Variants in ADAMTS12 observed in about 807,000 individuals in gnomAD.
ADAMTS12 encodes the protein A disintegrin and metalloproteinase with thrombospondin motifs 12.
A neutral mutation model predicts 167.8 loss-of-function variants in ADAMTS12; 118 were observed. The observed-to-expected ratio is 0.70, with a 90% confidence interval of 0.61 to 0.82. ADAMTS12 has a LOEUF of 0.82. Ranked by LOEUF, ADAMTS12 falls within the 40% of genes least tolerant of loss-of-function variation. The pLI is 0.00. For missense variants in ADAMTS12, 1,916 were observed against 1,998.8 expected (o/e 0.96, Z 0.79); for synonymous variants, 704 against 716.9 (o/e 0.98, Z 0.29).
At chr5:33,569,658 G>A (rs566036488) in intron 19 of ADAMTS12, among the ~76,000 whole-genome samples, 2 of 152,296 alleles carry the variant, frequency 1.3e-5, no homozygotes, top group East Asian at 3.9e-4. Flanking sequence ...AAACAGAGCA[G>A]AAAAACTGGA....
chr5:33,547,060 C>T (rs1745019310), intron 21 of ADAMTS12, among the ~76,000 whole-genome samples: 1 of 152,160 alleles, frequency 6.6e-6, no homozygotes, highest in Non-Finnish European at 1.5e-5. Flanking sequence ...TCACAATATT[C>T]CAGCTTTGAG....
chr5:33,890,001 C>T (rs974784604), intron 1 of ADAMTS12, among the ~76,000 whole-genome samples: 2 of 152,152 alleles, frequency 1.3e-5, no homozygotes, highest in African/African-American at 4.8e-5. Flanking sequence ...ATATATATAT[C>T]ACCAATAAGC....
chr5:33,590,415 C>T (rs1404170410), intron 17 of ADAMTS12, among the ~76,000 whole-genome samples: 4 of 152,110 alleles, frequency 2.6e-5, no homozygotes, highest in African/African-American at 4.8e-5. Context: ...GTGTTTAGAT[C>T]GTGAGGGCTT....
chr5:33,591,655 A>G lies in ADAMTS12; in HGVS notation c.2655-2846T>C, dbSNP rs1030513220. ...AGCTTTCTTGTCCCCTACACACACCATGCTCAGTCCTTTTCCCTCTTTCAT... is the reference window on the plus strand; with the variant it reads ...AGCTTTCTTGTCCCCTACACACACCGTGCTCAGTCCTTTTCCCTCTTTCAT... On this transcript the variant is annotated intron_variant, in intron 17 of 23. Transcript: ENST00000504830. 3.9e-5 allele frequency among the ~76,000 whole-genome samples: 6 copies of G among 151,984 alleles called. No homozygotes were observed. The East Asian group carries it at 1.2e-3, about 29-fold the overall frequency.
chr5:33,715,056 TG>T (rs1370693669), intron 3 of ADAMTS12, among the ~76,000 whole-genome samples: 1 of 152,096 alleles, frequency 6.6e-6, no homozygotes, highest in African/African-American at 2.4e-5. Context: ...AAATATCACA[TG>T]TACCTCATAA....
chr5:33,683,980 A>T lies in ADAMTS12; in HGVS notation c.710T>A (p.Leu237His), dbSNP rs1366092778. ...WERHNLPSRS[L>H]SRRSISKERW... ...CTCCTTGCTGATGGAACGCCGAGAG[A>T]GGCTTCTGCTTGGCAAGTTGTGCCT... Residue 237 changes from leucine to histidine, a missense_variant, in exon 4 of 24, where the codon CTC (leucine) becomes CAC (histidine). Leu to His is a moderately conservative substitution (Grantham distance 99). Transcript: ENST00000504830. 6.2e-7 allele frequency: 1 copy of T among 1,612,046 alleles called. No individual in the cohort carries two copies. The highest frequency in any genetic ancestry group is 1.3e-5 in the African/African-American group (1 of 74,776).
chr5:33,595,416 A>G (rs907901512), intron 17 of ADAMTS12, among the ~76,000 whole-genome samples: 1 of 152,190 alleles, frequency 6.6e-6, no homozygotes. Flanking sequence ...CAGGCCAGCA[A>G]TGCTGCTAAG....
At chr5:33,880,356 T>G (rs142599884) in intron 2 of ADAMTS12, among the ~76,000 whole-genome samples, 2 of 152,206 alleles carry the variant, frequency 1.3e-5, no homozygotes, top group African/African-American at 4.8e-5. Context: ...CTCTTCACAA[T>G]TAAGTGTCAG....
chr5:33,751,295 G>A (rs200237800), intron 3 of ADAMTS12, 109 bp downstream of exon 3: 15 of 1,318,130 alleles, frequency 1.1e-5, no homozygotes, highest in African/African-American at 4.8e-5. Flanking sequence ...AAAAAAAAAA[G>A]AATACAGAGG....
intron 1 of ADAMTS12, among the ~76,000 whole-genome samples, chr5:33,881,808 A>G (rs1168367049): frequency 6.7e-6 from 1 of 149,224 alleles, no homozygotes; most frequent in Non-Finnish European, 1.5e-5. Flanking sequence ...TCCCGACCTC[A>G]GGTGATCCGC....
chr5:33,867,407 T>C (rs1056769604), intron 2 of ADAMTS12, among the ~76,000 whole-genome samples: 9 of 152,048 alleles, frequency 5.9e-5, no homozygotes, highest in African/African-American at 1.9e-4. Context: ...GAAGCTAAGC[T>C]ATGGATAATC....
chr5:33,701,262 C>G (rs1742992972), intron 3 of ADAMTS12, among the ~76,000 whole-genome samples: 1 of 152,216 alleles, frequency 6.6e-6, no homozygotes, highest in African/African-American at 2.4e-5. Flanking sequence ...CATCTGAGCA[C>G]CCTTAGAACT....
At chr5:33,795,684 G>A (rs1746745452) in intron 2 of ADAMTS12, among the ~76,000 whole-genome samples, 1 of 152,152 alleles carries the variant, frequency 6.6e-6, no homozygotes. Context: ...GGATGTGGGA[G>A]CCATTCTTCG....
chr5:33,651,982 A>G (rs1210164388), intron 7 of ADAMTS12, among the ~76,000 whole-genome samples: 1 of 151,922 alleles, frequency 6.6e-6, no homozygotes, highest in Non-Finnish European at 1.5e-5. Context: ...ATTCTTTTTT[A>G]TGGCAGTGTA....
intron 2 of ADAMTS12, among the ~76,000 whole-genome samples, chr5:33,809,996 AAAAAAC>A (rs56682910): frequency 0.028 from 4,205 of 151,470 alleles, 204 homozygotes; most frequent in African/African-American, 0.096. Context: ...AAAAAAAAAA[AAAAAAC>A]AGATTAGAAG....
intron 7 of ADAMTS12, among the ~76,000 whole-genome samples, chr5:33,651,127 G>T (rs1431368998): frequency 6.6e-6 from 1 of 152,114 alleles, no homozygotes; most frequent in Non-Finnish European, 1.5e-5. Context: ...AAAGAATGTG[G>T]TTCAACGAAA....
chr5:33,648,847 T>C lies in ADAMTS12; in HGVS notation c.1454A>G (p.Asn485Ser), dbSNP rs1256469834. 5.0e-6 allele frequency: 8 copies of C among 1,613,860 alleles called. No individual in the cohort carries two copies. Among genetic ancestry groups the C allele is most frequent in the East Asian group, 2.2e-5 (1 of 44,874 alleles). Residue 485 changes from asparagine to serine, a missense_variant, in exon 9 of 24, where the codon AAT (asparagine) becomes AGT (serine). Physicochemically the swap from Asn to Ser is conservative, Grantham distance 46. Transcript: ENST00000504830. ...TTCTACTTCCTGGCAGAAGGTAGCA[T>C]TGGGTCCATATTGTAGCTGGCACTG... The part of the protein sequence containing the change: ...HHQCQLQYGP[N>S]ATFCQEVENV...
chr5:33,576,428 G>C lies in ADAMTS12; in HGVS notation c.3598C>G (p.Leu1200Val). The change falls in exon 19 of 24, where the codon CTA (leucine) becomes GTA (valine). Residue 1200 changes from leucine (L) to valine (V), a missense_variant. Physicochemically the swap from Leu to Val is conservative, Grantham distance 32 (BLOSUM62 1). Transcript: ENST00000504830. ...GACTCCCTGCTGAGATCTGGTGTTA[G>C]TGGAGGTGCAAGTGGCATTTCTGTA... ...ESTEMPLAPP[L>V]TPDLSRESWW... The C allele has an allele frequency of 6.2e-7, 1 of 1,612,652 alleles. No individual in the cohort carries two copies. Among genetic ancestry groups the C allele is most frequent in the Non-Finnish European group, 8.5e-7 (1 of 1,179,102 alleles).
At chr5:33,636,644 G>A (rs1334662011) in intron 12 of ADAMTS12, among the ~76,000 whole-genome samples, 3 of 152,102 alleles carry the variant, frequency 2.0e-5, no homozygotes, top group Non-Finnish European at 2.9e-5. Flanking sequence ...TCAAATCTGT[G>A]ATTTTTCTTG....
Sources: gnomAD v4.1 joint callset for allele counts (sites outside exome capture counted in the v4.1 genomes callset) on GRCh38, gnomAD v4.1.1 for gene constraint, MANE v1.5 for transcripts, NCBI Gene and HGNC (gene_info 2026-07-23, HGNC 2026-07-21) for gene names.